Variants in DNAH14 observed in about 807,000 individuals in gnomAD.
The protein encoded by DNAH14 is axonemal beta dynein heavy chain 14.
Under a neutral mutation model 520.9 loss-of-function variants are expected in DNAH14, and 478 were observed. The ratio of observed to expected loss-of-function variants is 0.92; its 90% confidence interval spans 0.85 to 0.99. The LOEUF (loss-of-function observed/expected upper bound fraction) is 0.99, where lower values mean the gene tolerates loss of function less well. DNAH14 is among the 50% of genes least tolerant of loss of function. The probability of loss-of-function intolerance (pLI) is 0.00; values close to 1 mark genes in which losing one functional copy is unlikely to be tolerated. For synonymous variants in DNAH14, 1,581 were observed against 1,757.2 expected, an observed-to-expected ratio of 0.90 and a Z score of 2.51; for missense variants, 4,831 against 5,234.5, an observed-to-expected ratio of 0.92 and a Z score of 2.38.
At chr1:224,945,442 G>C (rs1366024973) in intron 1 of DNAH14, among the ~76,000 whole-genome samples, 2 of 151,962 alleles carry the variant, frequency 1.3e-5, no homozygotes, top group Non-Finnish European at 2.9e-5. Context: ...GTTTGAACTT[G>C]CTCTTTTAGC....
chr1:225,344,599 T>A (rs1015595204), intron 69 of DNAH14, among the ~76,000 whole-genome samples: 2 of 152,234 alleles, frequency 1.3e-5, no homozygotes, highest in Non-Finnish European at 2.9e-5. Context: ...ATGGTGTGTA[T>A]GTACCACATT....
intron 17 of DNAH14, among the ~76,000 whole-genome samples, chr1:225,064,783 T>G (rs1486763213): frequency 6.6e-6 from 1 of 151,982 alleles, no homozygotes; most frequent in Non-Finnish European, 1.5e-5. Flanking sequence ...GAGATTGGGA[T>G]GGGTCACAAG....
chr1:225,150,633 T>A (rs1402493308), intron 31 of DNAH14, among the ~76,000 whole-genome samples: 1 of 152,148 alleles, frequency 6.6e-6, no homozygotes, highest in African/African-American at 2.4e-5. Context: ...TGGGAGGGTG[T>A]GTGTGTTTAG....
intron 28 of DNAH14, among the ~76,000 whole-genome samples, chr1:225,141,402 T>C (rs1307967673): frequency 7.1e-6 from 1 of 140,660 alleles, no homozygotes; most frequent in Non-Finnish European, 1.5e-5. Context: ...TATTTATGTA[T>C]AGGAAAAGGC....
intron 1 of DNAH14, among the ~76,000 whole-genome samples, chr1:224,937,378 T>A (rs893906119): frequency 7.2e-5 from 11 of 151,890 alleles, no homozygotes; most frequent in African/African-American, 2.7e-4. Context: ...AAAATCAACA[T>A]ACGAAAATCA....
chr1:225,054,302 A>T (rs1200913939), intron 17 of DNAH14, among the ~76,000 whole-genome samples: 1 of 152,204 alleles, frequency 6.6e-6, no homozygotes, highest in Admixed American at 6.5e-5. Flanking sequence ...TGTTATTAAT[A>T]CATGGGGACT....
chr1:225,393,970 C>G (rs1432320787), intron 84 of DNAH14, among the ~76,000 whole-genome samples: 1 of 151,940 alleles, frequency 6.6e-6, no homozygotes, highest in Non-Finnish European at 1.5e-5. Context: ...AGGCGCCCAC[C>G]ACCACACCCG....
chr1:225,191,320 C>A (rs1343040887), intron 37 of DNAH14, among the ~76,000 whole-genome samples: 1 of 151,986 alleles, frequency 6.6e-6, no homozygotes, highest in Non-Finnish European at 1.5e-5. Flanking sequence ...CCCTCACTTT[C>A]ATAAGATGGT....
intron 35 of DNAH14, among the ~76,000 whole-genome samples, chr1:225,165,355 G>A (rs1573630672): frequency 6.6e-6 from 1 of 151,682 alleles, no homozygotes; most frequent in Non-Finnish European, 1.5e-5. Context: ...TACTCTTTTA[G>A]CCCTTTTAAT....
At chr1:225,074,960 C>T (rs1017900848) in intron 17 of DNAH14, among the ~76,000 whole-genome samples, 1 of 152,138 alleles carries the variant, frequency 6.6e-6, no homozygotes, top group Non-Finnish European at 1.5e-5. Context: ...AGCTTCTTTC[C>T]TAGGGGTATA....
At chr1:225,179,239 C>T (rs1406107132) in intron 36 of DNAH14, among the ~76,000 whole-genome samples, 1 of 152,162 alleles carries the variant, frequency 6.6e-6, no homozygotes, top group Non-Finnish European at 1.5e-5. Flanking sequence ...TGTGTAAGAA[C>T]TTGCTACTGC....
intron 26 of DNAH14, among the ~76,000 whole-genome samples, chr1:225,122,438 C>T (rs565434835): frequency 2.0e-5 from 3 of 152,154 alleles, no homozygotes; most frequent in African/African-American, 7.2e-5. Flanking sequence ...TTGTGACACT[C>T]TACTGTGCCT....
At chr1:225,044,070 A>T (rs531532507) in intron 15 of DNAH14, 87 bp downstream of exon 15, 1 of 706,566 alleles carries the variant, frequency 1.4e-6, no homozygotes, top group Non-Finnish European at 2.3e-6. Context: ...TTACCCAGGG[A>T]TGTGGCAGAT....
intron 40 of DNAH14, among the ~76,000 whole-genome samples, chr1:225,206,667 A>G (rs955491704): frequency 6.6e-6 from 1 of 152,220 alleles, no homozygotes; most frequent in Admixed American, 6.5e-5. Context: ...TTATGAATAA[A>G]TCTAAGTATA....
rs188465475 is a variant in DNAH14, at chr1:225,101,436, A to G, written c.3867+552A>G. Among the ~76,000 whole-genome samples the G allele has an allele frequency of 1.3e-3, 202 of 152,184 alleles. 3 individuals are homozygous for G. The East Asian group carries it at 0.027, about 21-fold the overall frequency. On this transcript the variant is annotated intron_variant, in intron 23 of 85. Coordinates refer to ENST00000682510, the MANE Select transcript of DNAH14 (RefSeq NM_001367479.1). ...TTAGGTATGGTCACCCCATTCAGCTATCAAATACTAGACCTTATTCATTCT... is the reference window on the plus strand; with the variant it reads ...TTAGGTATGGTCACCCCATTCAGCTGTCAAATACTAGACCTTATTCATTCT...
At chr1:224,952,113 T>A (rs188404689) in intron 1 of DNAH14, among the ~76,000 whole-genome samples, 2 of 152,332 alleles carry the variant, frequency 1.3e-5, no homozygotes, top group Admixed American at 1.3e-4. Flanking sequence ...ATGTAGCACA[T>A]CAACTTTATT....
At chr1:225,086,990 C>CCA (rs57900981) in intron 21 of DNAH14, among the ~76,000 whole-genome samples, 6,374 of 146,702 alleles carry the variant, frequency 0.043, 380 homozygotes, top group African/African-American at 0.14. Flanking sequence ...GAAAAGAACA[C>CCA]CACACACACA....
intron 6 of DNAH14, chr1:224,968,033 A>T (rs1362884007): frequency 1.2e-6 from 1 of 846,984 alleles, no homozygotes; most frequent in Non-Finnish European, 1.4e-6. Context: ...TGTTTTAATG[A>T]TTTGTTTAAT....
In DNAH14 at chr1:225,085,706, A is replaced by G. The variant is rs1465924620; in HGVS notation, c.3490A>G (p.Ile1164Val). 5.2e-6 allele frequency: 8 copies of G among 1,551,458 alleles called. No homozygotes were observed. Among genetic ancestry groups the G allele is most frequent in the Non-Finnish European group, 7.0e-6 (8 of 1,146,786 alleles). ...EIYSIFIIPS[I>V]DDISAQLEES... ...TTACTCTATCTTCATAATTCCATCT[A>G]TAGATGACATATCAGCTCAGTTAGA... Residue 1164 changes from isoleucine (I) to valine (V), a missense_variant, in exon 21 of 86, where the codon ATA becomes GTA. Physicochemically the swap from Ile to Val is conservative, Grantham distance 29. Transcript: ENST00000682510.
Sources: gnomAD v4.1 joint callset for allele counts (sites outside exome capture counted in the v4.1 genomes callset) on GRCh38, gnomAD v4.1.1 for gene constraint, MANE v1.5 for transcripts, NCBI Gene and HGNC (gene_info 2026-07-23, HGNC 2026-07-21) for gene names.